The following FBN1 variants were observed in gnomAD, a reference collection of about 807,000 sequenced individuals.
The protein encoded by FBN1 is fibrillin 1.
In FBN1, 29 loss-of-function variants were observed where a neutral mutation model predicts 365.1. That is an observed-to-expected ratio of 0.08 (90% CI 0.06 to 0.11). FBN1 has a LOEUF of 0.11. Among genes scored for constraint, FBN1 ranks in the 10% least tolerant of loss-of-function variants. The probability of loss-of-function intolerance (pLI) is 1.00; values close to 1 mark genes in which losing one functional copy is unlikely to be tolerated. For synonymous variants in FBN1, 1,210 were observed against 1,270.5 expected (o/e 0.95, Z 1.01); for missense variants, 2,476 against 3,703.2 (o/e 0.67, Z 8.60).
intron 13 of FBN1, among the ~76,000 whole-genome samples, chr15:48,511,053 T>C (rs1305916256): frequency 6.6e-6 from 1 of 152,204 alleles, no homozygotes; most frequent in African/African-American, 2.4e-5. Context: ...AGAAACTATG[T>C]GGAGTTGGAT....
chr15:48,456,781 T>C lies in FBN1; in HGVS notation c.5297-19A>G, dbSNP rs375665466. On this transcript the variant is annotated intron_variant, in intron 43 of 65. Transcript: ENST00000316623. ...TCAATATCTAGAGACAGAGTAGTCATTCATGAGTGACAGGACAGCACATGA... is the reference window on the plus strand; with the variant it reads ...TCAATATCTAGAGACAGAGTAGTCACTCATGAGTGACAGGACAGCACATGA... 7.1e-5 allele frequency: 115 copies of C among 1,611,066 alleles called. No individual in the cohort carries two copies. The highest frequency in any genetic ancestry group is 1.6e-4 in the Middle Eastern group (1 of 6,072).
At chr15:48,588,717 T>C (rs1472761980) in intron 6 of FBN1, among the ~76,000 whole-genome samples, 1 of 152,192 alleles carries the variant, frequency 6.6e-6, no homozygotes, top group South Asian at 2.1e-4. Flanking sequence ...CCTTTATGCA[T>C]ATCAAGAGTA....
At chr15:48,581,410 C>T (rs970990860) in intron 6 of FBN1, among the ~76,000 whole-genome samples, 1 of 152,130 alleles carries the variant, frequency 6.6e-6, no homozygotes, top group Non-Finnish European at 1.5e-5. Context: ...AAGGATGTCC[C>T]GGGCAGCGTG....
intron 36 of FBN1, 104 bp from the exon 37 acceptor site, chr15:48,468,638 A>G: frequency 8.2e-7 from 1 of 1,212,936 alleles, no homozygotes; most frequent in Non-Finnish European, 1.2e-6. Context: ...AAGAATTTTA[A>G]AGCTACTAGT....
intron 27 of FBN1, 108 bp downstream of exon 27, chr15:48,488,005 C>A (rs370255471): frequency 3.9e-5 from 55 of 1,408,116 alleles, no homozygotes; most frequent in East Asian, 3.2e-4. Flanking sequence ...TTCCTAACTT[C>A]ACTGGTTGCA....
chr15:48,496,309 A>T, intron 19 of FBN1, 84 bp from the exon 20 acceptor site: 1 of 1,559,638 alleles, frequency 6.4e-7, no homozygotes, highest in Non-Finnish European at 8.8e-7. Context: ...AGATCTTTAA[A>T]GTCATAACGA....
intron 9 of FBN1, among the ~76,000 whole-genome samples, chr15:48,524,108 A>C (rs2043886263): frequency 6.6e-6 from 1 of 152,082 alleles, no homozygotes; most frequent in South Asian, 2.1e-4. Flanking sequence ...CATCTTTATG[A>C]CTCCTAGGAG....
intron 41 of FBN1, 45 bp from the exon 42 acceptor site, chr15:48,463,285 T>C (rs2043295029): frequency 6.3e-7 from 1 of 1,584,274 alleles, no homozygotes; most frequent in African/African-American, 1.3e-5. Context: ...GGTGATGCCA[T>C]GTGGGAAATC....
chr15:48,610,457 T>C (rs548000865), intron 4 of FBN1, among the ~76,000 whole-genome samples: 2 of 152,270 alleles, frequency 1.3e-5, no homozygotes, highest in South Asian at 2.1e-4. Context: ...GATACAAAGA[T>C]GAATAAGGCG....
At chr15:48,571,497 T>C (rs1297028071) in intron 6 of FBN1, among the ~76,000 whole-genome samples, 1 of 152,076 alleles carries the variant, frequency 6.6e-6, no homozygotes, top group African/African-American at 2.4e-5. Context: ...AATAAAAATA[T>C]ATGTACACTA....
At chr15:48,425,084 C>A (rs2042968801) in intron 60 of FBN1, among the ~76,000 whole-genome samples, 3 of 152,038 alleles carry the variant, frequency 2.0e-5, no homozygotes, top group South Asian at 2.1e-4. Context: ...ATCTGCCCCA[C>A]CAGAGCCATT....
At chr15:48,446,862 T>C in intron 46 of FBN1, 40 bp from the exon 47 acceptor site, 1 of 1,378,484 alleles carries the variant, frequency 7.3e-7, no homozygotes, top group Non-Finnish European at 1.0e-6. Flanking sequence ...TAATTATAAG[T>C]AGAAAAAGTG....
chr15:48,619,875 T>TAA (rs67284014), intron 2 of FBN1, among the ~76,000 whole-genome samples: 1 of 142,386 alleles, frequency 7.0e-6, no homozygotes. Context: ...AAATAAAAGT[T>TAA]AAAAAAAAAA....
At chr15:48,465,481 AT>A in intron 40 of FBN1, 86 bp downstream of exon 40, 1 of 1,512,036 alleles carries the variant, frequency 6.6e-7, no homozygotes, top group East Asian at 2.3e-5. Flanking sequence ...ACACTGCTAA[AT>A]TCTATTTTCC....
At chr15:48,629,359 AG>A (rs148843736) in intron 2 of FBN1, among the ~76,000 whole-genome samples, 2,209 of 152,314 alleles carry the variant, frequency 0.015, 49 homozygotes, top group African/African-American at 0.051. Context: ...AAAAACTGAC[AG>A]GGGGACAATC....
At chr15:48,445,542 A>C (rs1376420059) in intron 47 of FBN1, 38 bp from the exon 48 acceptor site, 6 of 1,604,500 alleles carry the variant, frequency 3.7e-6, no homozygotes, top group Non-Finnish European at 5.1e-6. Context: ...AATATATTCC[A>C]AAGATGTCAT....
intron 32 of FBN1, chr15:48,476,706 G>A (rs1028928296): frequency 6.6e-6 from 1 of 152,158 alleles, no homozygotes; most frequent in African/African-American, 2.5e-5. Flanking sequence ...CGCCACCTGG[G>A]TTCAAGCAAT....
intron 49 of FBN1, among the ~76,000 whole-genome samples, chr15:48,442,750 A>T (rs2043126325): frequency 6.6e-6 from 1 of 152,226 alleles, no homozygotes; most frequent in Admixed American, 6.5e-5. Context: ...TTACCTATGG[A>T]AAAATATGCC....
intron 17 of FBN1, among the ~76,000 whole-genome samples, chr15:48,502,003 T>C (rs2043663242): frequency 6.6e-6 from 1 of 152,152 alleles, no homozygotes; most frequent in Non-Finnish European, 1.5e-5. Context: ...GAGCAGTTTT[T>C]TTCTTTAAAT....
Sources: gnomAD v4.1 joint callset for allele counts (sites outside exome capture counted in the v4.1 genomes callset) on GRCh38, gnomAD v4.1.1 for gene constraint, MANE v1.5 for transcripts, NCBI Gene and HGNC (gene_info 2026-07-23, HGNC 2026-07-21) for gene names.